TMEM135: variants seen among roughly 807,000 people sequenced by gnomAD.
TMEM135 encodes the protein peroxisomal membrane protein 52.
TMEM135 carries 30 observed loss-of-function variants against 60.3 expected under a neutral mutation model. The observed-to-expected ratio is 0.50, with a 90% confidence interval of 0.37 to 0.68. The LOEUF is 0.68. Ranked by LOEUF, TMEM135 falls within the 30% of genes least tolerant of loss-of-function variation. The probability of loss-of-function intolerance (pLI) is 0.00; values close to 1 mark genes in which losing one functional copy is unlikely to be tolerated. For synonymous variants in TMEM135, 190 were observed against 186.7 expected (o/e 1.02, Z -0.14); for missense variants, 468 against 548.8 (o/e 0.85, Z 1.47).
chr11:87,251,076 G>T lies in TMEM135; in HGVS notation c.509+14392G>T, dbSNP rs906106600. ...AAAATAGGAAAAATGTGTGAAAATT[G>T]AATACAAGCTTTGCAAATACTGAGG... On this transcript the variant is annotated intron_variant, in intron 6 of 14. Coordinates refer to ENST00000305494, the MANE Select transcript of TMEM135 (RefSeq NM_022918.4). 3.9e-5 allele frequency among the ~76,000 whole-genome samples: 6 copies of T among 152,140 alleles called. 1 individual carries two copies. The highest frequency in any genetic ancestry group is 3.9e-4 in the Admixed American group (6 of 15,260).
At chr11:87,085,235 C>A (rs1250540645) in intron 3 of TMEM135, among the ~76,000 whole-genome samples, 1 of 152,104 alleles carries the variant, frequency 6.6e-6, no homozygotes, top group Non-Finnish European at 1.5e-5. Context: ...CATATCATAC[C>A]CTTCAGAGAT....
chr11:87,235,578 G>T (rs1373162839), intron 5 of TMEM135, among the ~76,000 whole-genome samples: 2 of 151,874 alleles, frequency 1.3e-5, no homozygotes, highest in African/African-American at 4.8e-5. Flanking sequence ...ATTTTTTGCA[G>T]TGTTTTCATT....
intron 4 of TMEM135, among the ~76,000 whole-genome samples, chr11:87,139,943 A>T (rs1041592640): frequency 6.6e-6 from 1 of 152,006 alleles, no homozygotes. Flanking sequence ...GATCATTTCA[A>T]TTTTTTGGGT....
intron 3 of TMEM135, among the ~76,000 whole-genome samples, chr11:87,072,117 C>T (rs762687618): frequency 6.6e-6 from 1 of 152,124 alleles, no homozygotes; most frequent in Admixed American, 6.6e-5. Context: ...CACCCGAGTC[C>T]CCAGAGGTCA....
chr11:87,056,217 T>G (rs1015484347), intron 1 of TMEM135, among the ~76,000 whole-genome samples: 5 of 152,234 alleles, frequency 3.3e-5, no homozygotes, highest in African/African-American at 1.2e-4. Flanking sequence ...TAGTAAACGT[T>G]ATTAATTTGT....
chr11:87,223,311 C>T (rs557699835), intron 5 of TMEM135, among the ~76,000 whole-genome samples: 4 of 151,894 alleles, frequency 2.6e-5, no homozygotes, highest in East Asian at 3.9e-4. Context: ...ACTACAGGCG[C>T]CAGCCACCAT....
intron 5 of TMEM135, among the ~76,000 whole-genome samples, chr11:87,229,927 G>A (rs576162794): frequency 5.3e-5 from 8 of 152,092 alleles, no homozygotes; most frequent in Non-Finnish European, 1.0e-4. Context: ...CAGTTTAACA[G>A]CTTTTTTGAG....
intron 4 of TMEM135, among the ~76,000 whole-genome samples, chr11:87,104,651 C>T (rs905107244): frequency 6.6e-6 from 1 of 151,972 alleles, no homozygotes; most frequent in Admixed American, 6.6e-5. Context: ...GTTAAATATA[C>T]CCCTAAGGAT....
At chr11:87,137,799 T>G (rs1242643921) in intron 4 of TMEM135, among the ~76,000 whole-genome samples, 2 of 152,162 alleles carry the variant, frequency 1.3e-5, no homozygotes, top group Admixed American at 1.3e-4. Context: ...CATAACATAG[T>G]ATGTTGTTAC....
chr11:87,038,321 G>A (rs1402112086), intron 1 of TMEM135, 135 bp downstream of exon 1: 6 of 1,037,104 alleles, frequency 5.8e-6, no homozygotes, highest in Non-Finnish European at 8.5e-6. Context: ...GAGTGTTTTG[G>A]GGGGTCGGTA....
chr11:87,047,535 G>A (rs1209206952), intron 1 of TMEM135, among the ~76,000 whole-genome samples: 4 of 147,174 alleles, frequency 2.7e-5, no homozygotes, highest in South Asian at 2.2e-4. Context: ...TTCCCTTTCC[G>A]AGTCAAAGAA....
At chr11:87,059,043 T>C (rs1160165149) in intron 1 of TMEM135, among the ~76,000 whole-genome samples, 1 of 152,008 alleles carries the variant, frequency 6.6e-6, no homozygotes, top group African/African-American at 2.4e-5. Flanking sequence ...GTTCAAGCAA[T>C]TCTCCTGCCT....
At chr11:87,058,522 G>A (rs918565339) in intron 1 of TMEM135, among the ~76,000 whole-genome samples, 15 of 152,150 alleles carry the variant, frequency 9.9e-5, no homozygotes, top group Admixed American at 7.9e-4. Context: ...GTAGAGACTG[G>A]GTTTCGCTAT....
chr11:87,052,979 C>A (rs1949852224), intron 1 of TMEM135, among the ~76,000 whole-genome samples: 1 of 113,728 alleles, frequency 8.8e-6, no homozygotes, highest in Non-Finnish European at 1.7e-5. Context: ...GAATACTATG[C>A]AGCCATAAAA....
intron 4 of TMEM135, among the ~76,000 whole-genome samples, chr11:87,147,774 T>C (rs1430211003): frequency 6.6e-6 from 1 of 152,210 alleles, no homozygotes; most frequent in Non-Finnish European, 1.5e-5. Flanking sequence ...TATTATTTTT[T>C]TGAGACAAAG....
chr11:87,191,417 A>G (rs988251741), intron 5 of TMEM135, among the ~76,000 whole-genome samples: 2 of 151,952 alleles, frequency 1.3e-5, no homozygotes, highest in African/African-American at 4.8e-5. Context: ...ATATTTTTGT[A>G]TTTTTAGTAG....
chr11:87,075,190 G>A (rs918223278), intron 3 of TMEM135, among the ~76,000 whole-genome samples: 5 of 151,590 alleles, frequency 3.3e-5, no homozygotes, highest in Non-Finnish European at 7.4e-5. Context: ...ACGGAGTCTC[G>A]CTCTGTCTCC....
At chr11:87,043,096 C>T (rs1396268774) in intron 1 of TMEM135, among the ~76,000 whole-genome samples, 1 of 151,390 alleles carries the variant, frequency 6.6e-6, no homozygotes, top group Non-Finnish European at 1.5e-5. Context: ...GCTGGGATTA[C>T]AGGTATGCAC....
intron 9 of TMEM135, 46 bp downstream of exon 9, chr11:87,306,051 A>G (rs754670263): frequency 2.7e-6 from 3 of 1,094,282 alleles, no homozygotes; most frequent in South Asian, 1.9e-5. Context: ...GGGAATGGGT[A>G]TAGAAATTAT....
Sources: allele counts gnomAD v4.1 joint callset (sites outside exome capture counted in the v4.1 genomes callset), GRCh38; gene constraint gnomAD v4.1.1; transcripts MANE v1.5; gene names NCBI Gene and HGNC (gene_info 2026-07-23, HGNC 2026-07-21).